The following PAH variants were observed in gnomAD, a reference collection of about 807,000 sequenced individuals.
PAH encodes phenylalanine hydroxylase.
PAH carries 64 observed loss-of-function variants against 62.0 expected under a neutral mutation model. The ratio of observed to expected loss-of-function variants is 1.03; its 90% CI spans 0.84 to 1.27. PAH has a LOEUF of 1.27. Among genes scored for constraint, PAH ranks in the 50% most tolerant of loss-of-function variants. The pLI is 0.00. For synonymous variants in PAH, 195 were observed against 196.2 expected, an observed-to-expected ratio of 0.99 and a Z score of 0.05; for missense variants, 579 against 542.8, an observed-to-expected ratio of 1.07 and a Z score of -0.66.
intron 3 of PAH, among the ~76,000 whole-genome samples, chr12:102,883,345 C>G (rs1876899929): frequency 6.6e-6 from 1 of 152,192 alleles, no homozygotes; most frequent in Non-Finnish European, 1.5e-5. Flanking sequence ...AGTCAGGGTG[C>G]ACCACCTTGA....
chr12:102,900,495 T>TG (rs1379319310), intron 2 of PAH, among the ~76,000 whole-genome samples: 36 of 151,124 alleles, frequency 2.4e-4, no homozygotes, highest in African/African-American at 8.5e-4. Context: ...AAATGGGGGG[T>TG]GGGGTGTGGG....
rs749428436 is a variant in PAH, at chr12:102,866,578, C to A, written c.509+18G>T. On this transcript the variant is annotated intron_variant, in intron 5 of 12. Transcript: ENST00000553106. Reference sequence around the variant, plus strand: ...GTGTGTTTTTCTCTCTTCCCCTCAACAAGCAAGGCAGACTTACTGGCGGTA... The same window carrying A: ...GTGTGTTTTTCTCTCTTCCCCTCAAAAAGCAAGGCAGACTTACTGGCGGTA... 6 of 1,607,980 alleles carry A rather than the reference C, an allele frequency of 3.7e-6. No homozygotes were observed. In the South Asian group the frequency reaches 6.6e-5, roughly 18 times the overall value.
chr12:102,846,849 T>C (rs1202608132), intron 9 of PAH, 46 bp downstream of exon 9: 2 of 1,523,124 alleles, frequency 1.3e-6, no homozygotes, highest in African/African-American at 1.4e-5. Flanking sequence ...CTGAGGGCCA[T>C]AGCCTATAGC....
At chr12:102,926,833 G>A (rs1429331358) in intron 1 of PAH, among the ~76,000 whole-genome samples, 1 of 147,858 alleles carries the variant, frequency 6.8e-6, no homozygotes, top group Non-Finnish European at 1.5e-5. Context: ...TATCTATGTG[G>A]TAGAAATATG....
chr12:102,921,802 C>T (rs1878556971), upstream of PAH, among the ~76,000 whole-genome samples: 1 of 152,150 alleles, frequency 6.6e-6, no homozygotes, highest in South Asian at 2.1e-4. Context: ...GATTTTCTCA[C>T]CATAGAGCCT....
At chr12:102,918,415 C>G (rs1208998583), upstream of PAH, among the ~76,000 whole-genome samples, 6 of 151,912 alleles carry the variant, frequency 3.9e-5, no homozygotes, top group Admixed American at 2.0e-4. Flanking sequence ...GCCCATCCCT[C>G]TCCTCCCACT....
intron 1 of PAH, among the ~76,000 whole-genome samples, chr12:102,945,715 A>G (rs888114166): frequency 6.6e-6 from 1 of 152,124 alleles, no homozygotes; most frequent in African/African-American, 2.4e-5. Context: ...CCTCTGGCCC[A>G]GGGCAGTCCA....
intron 12 of PAH, 29 bp downstream of exon 12, chr12:102,840,371 A>C (rs747026525): frequency 6.2e-6 from 8 of 1,296,830 alleles, no homozygotes; most frequent in African/African-American, 1.5e-5. Flanking sequence ...TGAGAAACCG[A>C]GTGGCCTCGT....
intron 2 of PAH, chr12:102,904,834 C>A: frequency 2.6e-6 from 1 of 387,860 alleles, no homozygotes; most frequent in Non-Finnish European, 5.2e-6. Context: ...ACCACAGTCC[C>A]CCTGCTCTAC....
At chr12:102,893,814 T>G (rs1439385203) in intron 3 of PAH, among the ~76,000 whole-genome samples, 1 of 152,212 alleles carries the variant, frequency 6.6e-6, no homozygotes, top group African/African-American at 2.4e-5. Context: ...AATGGGACAA[T>G]GCAAGTTTTG....
intron 2 of PAH, among the ~76,000 whole-genome samples, chr12:102,899,407 T>C (rs1340464783): frequency 2.0e-5 from 3 of 152,316 alleles, no homozygotes; most frequent in Middle Eastern, 3.4e-3. Flanking sequence ...AAACAATTTA[T>C]GTTTTATGAC....
intron 2 of PAH, among the ~76,000 whole-genome samples, chr12:102,897,314 A>G (rs1194340576): frequency 6.6e-6 from 1 of 152,014 alleles, no homozygotes; most frequent in Non-Finnish European, 1.5e-5. Flanking sequence ...ACTGCTGATG[A>G]CACTAAACAT....
chr12:102,950,870 G>C (rs1305396629), upstream of PAH: 1 of 152,246 alleles, frequency 6.6e-6, no homozygotes, highest in African/African-American at 2.4e-5. Context: ...GCGCAGGTCA[G>C]ATATAGGCAC....
intron 1 of PAH, among the ~76,000 whole-genome samples, chr12:102,923,223 T>G (rs950235717): frequency 1.3e-5 from 2 of 152,174 alleles, no homozygotes; most frequent in African/African-American, 4.8e-5. Flanking sequence ...CACTTGTGGA[T>G]GATAATGCCT....
rs116256880 is a variant in PAH, at chr12:102,932,065, A to T, written c.-95-14840T>A. On this transcript the variant is annotated intron_variant, in intron 1 of 3. Transcript: ENST00000546844. ...TAGGAAAGGGGTTTGAGGTCGTCAG[A>T]GTCTGTCTCCTCCAATCCCCCTTCC... Among the ~76,000 whole-genome samples the T allele has an allele frequency of 7.7e-3, 1,167 of 152,234 alleles. 23 individuals carry two copies. The highest frequency in any genetic ancestry group is 0.027 in the African/African-American group (1,118 of 41,518).
At chr12:102,875,865 AAG>A (rs1876539556) in intron 4 of PAH, among the ~76,000 whole-genome samples, 1 of 152,012 alleles carries the variant, frequency 6.6e-6, no homozygotes, top group Non-Finnish European at 1.5e-5. Context: ...GCTGGTTAGT[AAG>A]TTGTGACAGT....
intron 2 of PAH, among the ~76,000 whole-genome samples, chr12:102,903,057 T>C (rs1877824288): frequency 6.6e-6 from 1 of 152,118 alleles, no homozygotes; most frequent in African/African-American, 2.4e-5. Flanking sequence ...GGTAAAATAT[T>C]CTAGGTCAAA....
chr12:102,877,031 C>A (rs1048306114), intron 4 of PAH, among the ~76,000 whole-genome samples: 7 of 152,096 alleles, frequency 4.6e-5, no homozygotes, highest in Non-Finnish European at 8.8e-5. Context: ...TTATCTGACC[C>A]GCATCTCCTA....
At chr12:102,929,167 G>C (rs1216476451) in intron 1 of PAH, among the ~76,000 whole-genome samples, 1 of 152,138 alleles carries the variant, frequency 6.6e-6, no homozygotes, top group African/African-American at 2.4e-5. Context: ...CTGCAGAATG[G>C]TGGGTCAATT....
Sources: allele counts gnomAD v4.1 joint callset (sites outside exome capture counted in the v4.1 genomes callset), GRCh38; gene constraint gnomAD v4.1.1; transcripts MANE v1.5; gene names NCBI Gene and HGNC (gene_info 2026-07-23, HGNC 2026-07-21).